DAB1: variants seen among roughly 807,000 people sequenced by gnomAD.
DAB1 encodes disabled homolog 1.
In DAB1, 15 loss-of-function variants were observed where a neutral mutation model predicts 64.6. That is an observed-to-expected ratio of 0.23 (90% CI 0.16 to 0.36). The LOEUF (loss-of-function observed/expected upper bound fraction) is 0.36, where lower values mean the gene tolerates loss of function less well. DAB1 is among the 10% of genes least tolerant of loss of function. DAB1 has a pLI of 1.00. For synonymous variants in DAB1, 235 were observed against 251.9 expected, an observed-to-expected ratio of 0.93 and a Z score of 0.64; for missense variants, 596 against 706.7, an observed-to-expected ratio of 0.84 and a Z score of 1.78.
At chr1:57,195,849 G>A (rs1664580792) in intron 2 of DAB1, among the ~76,000 whole-genome samples, 1 of 152,230 alleles carries the variant, frequency 6.6e-6, no homozygotes, top group Non-Finnish European at 1.5e-5. Flanking sequence ...GCTATTACTA[G>A]AAGTAGTCTA....
chr1:57,588,067 A>T (rs1001081836), intron 7 of DAB1, among the ~76,000 whole-genome samples: 6 of 152,234 alleles, frequency 3.9e-5, no homozygotes, highest in Non-Finnish European at 8.8e-5. Context: ...TACATTAACC[A>T]TTCACAAAGT....
intron 3 of DAB1, among the ~76,000 whole-genome samples, chr1:58,423,137 C>T (rs1370409704): frequency 6.6e-6 from 1 of 152,188 alleles, no homozygotes; most frequent in African/African-American, 2.4e-5. Context: ...AGGTCTTCAG[C>T]CCCAGAGCCC....
chr1:57,972,232 T>C (rs1645814586), intron 5 of DAB1, among the ~76,000 whole-genome samples: 1 of 152,144 alleles, frequency 6.6e-6, no homozygotes, highest in African/African-American at 2.4e-5. Context: ...AAATTTATTT[T>C]ATTTTAATAT....
intron 2 of DAB1, among the ~76,000 whole-genome samples, chr1:57,195,022 A>C (rs945758249): frequency 6.6e-6 from 1 of 152,246 alleles, no homozygotes; most frequent in Non-Finnish European, 1.5e-5. Flanking sequence ...GGAAATGGAC[A>C]GAAAATGATT....
chr1:57,544,436 G>A (rs148773437), intron 7 of DAB1, among the ~76,000 whole-genome samples: 184 of 152,284 alleles, frequency 1.2e-3, no homozygotes, highest in Non-Finnish European at 2.1e-3. Flanking sequence ...CTATAGTAAC[G>A]ACTGGGTTGT....
At chr1:57,606,627 A>T (rs1430328533) in intron 7 of DAB1, among the ~76,000 whole-genome samples, 24 of 51,960 alleles carry the variant, frequency 4.6e-4, no homozygotes, top group African/African-American at 1.9e-3. Flanking sequence ...TAATATATGA[A>T]ATATATTATA....
chr1:57,634,965 T>C (rs1646033689), intron 7 of DAB1, among the ~76,000 whole-genome samples: 1 of 152,036 alleles, frequency 6.6e-6, no homozygotes, highest in Non-Finnish European at 1.5e-5. Context: ...TTATAAGGGG[T>C]AAGCCATGCA....
At chr1:58,285,202 T>G (rs1661655063) in intron 4 of DAB1, among the ~76,000 whole-genome samples, 1 of 152,218 alleles carries the variant, frequency 6.6e-6, no homozygotes. Flanking sequence ...AATGTCATAC[T>G]GAATGGGCAA....
intron 3 of DAB1, chr1:58,481,209 T>C: frequency 1.5e-6 from 1 of 680,100 alleles, no homozygotes; most frequent in African/African-American, 1.8e-5. Context: ...AAATACTATA[T>C]ATATACATCA....
intron 4 of DAB1, among the ~76,000 whole-genome samples, chr1:58,260,905 A>G (rs1221946720): frequency 1.3e-5 from 2 of 152,108 alleles, no homozygotes; most frequent in Admixed American, 6.6e-5. Flanking sequence ...TGGCTTCCCG[A>G]GAGTCCATAA....
At chr1:57,006,914 G>GCTTA (rs1363766209) in intron 14 of DAB1, among the ~76,000 whole-genome samples, 3 of 152,168 alleles carry the variant, frequency 2.0e-5, no homozygotes, top group Non-Finnish European at 4.4e-5. Context: ...AAGGATGTAT[G>GCTTA]CTTACCTAAG....
intron 3 of DAB1, among the ~76,000 whole-genome samples, chr1:58,348,198 A>ACT (rs1192668736): frequency 6.6e-6 from 1 of 152,002 alleles, no homozygotes; most frequent in East Asian, 1.9e-4. Flanking sequence ...CCTCCTAACA[A>ACT]CTCTAGGAGG....
rs77667643 is a variant in DAB1, at chr1:58,056,735, G to A, written n.387+93776C>T. Among the ~76,000 whole-genome samples, 74 of 152,234 alleles carry A rather than the reference G, an allele frequency of 4.9e-4. 2 individuals carry two copies. In the East Asian group the frequency reaches 0.011, roughly 23 times the overall value. On this transcript the variant is annotated intron_variant and non_coding_transcript_variant, in intron 5 of 20. Coordinates refer to the DAB1 transcript ENST00000485760. ...TGTTCTCTTTTGTCCTCCGGTTGAG[G>A]TAAGCCAACAGGTTCTTGACAAGAG...
chr1:57,333,854 C>T (rs987706260), intron 1 of DAB1, among the ~76,000 whole-genome samples: 1 of 152,164 alleles, frequency 6.6e-6, no homozygotes, highest in Non-Finnish European at 1.5e-5. Context: ...TTGATATTTA[C>T]CATTATAAGT....
chr1:57,651,831 T>C (rs1011510971), intron 6 of DAB1, among the ~76,000 whole-genome samples: 3 of 152,224 alleles, frequency 2.0e-5, no homozygotes, highest in African/African-American at 4.8e-5. Context: ...CCTCCTCATA[T>C]TTGTTGTTAG....
At chr1:57,515,044 G>T (rs773383605) in intron 7 of DAB1, among the ~76,000 whole-genome samples, 1 of 152,028 alleles carries the variant, frequency 6.6e-6, no homozygotes, top group South Asian at 2.1e-4. Context: ...GAACGGAAAC[G>T]AAGGTATATC....
chr1:57,061,777 C>T (rs968642834), intron 9 of DAB1, among the ~76,000 whole-genome samples: 2 of 152,140 alleles, frequency 1.3e-5, no homozygotes, highest in African/African-American at 2.4e-5. Context: ...TTAATCTTAT[C>T]GTGAAACATG....
At chr1:57,860,033 G>C (rs1392713089) in intron 1 of DAB1, among the ~76,000 whole-genome samples, 2 of 152,014 alleles carry the variant, frequency 1.3e-5, no homozygotes, top group Non-Finnish European at 2.9e-5. Context: ...ACTTATTATT[G>C]TCCCCATGGT....
intron 5 of DAB1, among the ~76,000 whole-genome samples, chr1:58,032,002 G>C (rs1314368006): frequency 1.8e-5 from 1 of 56,782 alleles, no homozygotes; most frequent in Non-Finnish European, 5.0e-5. Flanking sequence ...GTGTGTGTGT[G>C]TGTGTGTGTG....
Sources: allele counts gnomAD v4.1 joint callset (sites outside exome capture counted in the v4.1 genomes callset), GRCh38; gene constraint gnomAD v4.1.1; transcripts MANE v1.5; gene names NCBI Gene and HGNC (gene_info 2026-07-23, HGNC 2026-07-21).